The following WDR74 variants were observed in gnomAD, a reference collection of about 807,000 sequenced individuals.
WDR74 encodes WD repeat-containing protein 74.
In WDR74, 31 loss-of-function variants were observed where a neutral mutation model predicts 45.6. The ratio of observed to expected loss-of-function variants is 0.68; its 90% CI spans 0.51 to 0.92. WDR74 has a LOEUF of 0.92. WDR74 is among the 40% of genes least tolerant of loss of function. The pLI is 0.00. For missense variants in WDR74, 455 were observed against 497.2 expected, an observed-to-expected ratio of 0.92 and a Z score of 0.81; for synonymous variants, 191 against 192.4, an observed-to-expected ratio of 0.99 and a Z score of 0.06.
chr11:62,836,099 C>G, intron 3 of WDR74, 63 bp from the exon 4 acceptor site: 2 of 1,453,134 alleles, frequency 1.4e-6, no homozygotes, highest in Non-Finnish European at 1.9e-6. Context: ...TAATCTTTCT[C>G]TCCTCCTTAC....
chr11:62,840,006 T>C (rs2085024018), upstream of WDR74: 1 of 155,212 alleles, frequency 6.4e-6, no homozygotes, highest in Non-Finnish European at 1.4e-5. Flanking sequence ...AAACCGACGA[T>C]TTTTTTTTTC....
At chr11:62,836,261 C>G in intron 3 of WDR74, 2 of 501,400 alleles carry the variant, frequency 4.0e-6, no homozygotes, top group Non-Finnish European at 7.2e-6. Context: ...CAGCTTCCAG[C>G]TTCCTAATCT....
In WDR74 at chr11:62,833,935, G is replaced by A. The variant is rs1289292537; in HGVS notation, c.778C>T (p.Arg260Cys). The A allele has an allele frequency of 5.6e-6, 9 of 1,613,084 alleles. No homozygotes were observed. The highest frequency in any genetic ancestry group is 2.7e-5 in the African/African-American group (2 of 74,892). Residue 260 changes from arginine (R) to cysteine (C), a missense_variant and splice_region_variant, in exon 9 of 11, where the codon CGT becomes TGT. Arg to Cys is a radical substitution (Grantham distance 180). Transcript: ENST00000278856. The part of the protein sequence containing the change: ...QLAEIDLRQG[R>C]LLGCLKGLAG... ...AGCCCCTTCAGACAGCCCAGTAGAC[G>A]CCCTAGAGAAGGGGGGAAGCATCCG... is the stretch of plus-strand genomic sequence containing the variant.
intron 10 of WDR74, among the ~76,000 whole-genome samples, chr11:62,833,371 T>C (rs2084905657): frequency 6.8e-6 from 1 of 148,118 alleles, no homozygotes; most frequent in African/African-American, 2.5e-5. Flanking sequence ...AAGGAGACCC[T>C]GGCTGAGAAA....
Position 62,839,579 on chromosome 11 carries a change from C to T in WDR74, c.-9G>A, listed in dbSNP as rs1250526263. 2 of 1,605,620 alleles carry T rather than the reference C, an allele frequency of 1.2e-6. No homozygotes were observed. The highest frequency in any genetic ancestry group is 1.7e-4 in the Middle Eastern group (1 of 5,994). Reference sequence around the variant, plus strand: ...GCAGCAGCAGCCGCCATGACAAAGCCTGGAGGCAGACAGTTCACACTTCCG... The same window carrying T: ...GCAGCAGCAGCCGCCATGACAAAGCTTGGAGGCAGACAGTTCACACTTCCG... On this transcript the variant is annotated 5_prime_UTR_variant, in exon 1 of 11. Transcript: ENST00000278856.
chr11:62,833,119 C>G lies in WDR74; in HGVS notation c.991G>C (p.Glu331Gln). 1 of 1,612,666 alleles carries G rather than the reference C, an allele frequency of 6.2e-7. No homozygotes were observed. The highest frequency in any genetic ancestry group is 8.5e-7 in the Non-Finnish European group (1 of 1,179,522). ...GGCACCTTGTTGGGTTCTTGAGGCT[C>G]TTGGGGCTCATCCTGGTGAGTGGGA... ...GRDNWEDEPQ[E>Q]PQEPNKVPLE... The change falls in exon 11 of 11, where the codon GAG becomes CAG. Residue 331 changes from glutamate (E) to glutamine (Q), a missense_variant. Coordinates refer to ENST00000278856, the MANE Select transcript of WDR74 (RefSeq NM_001369450.1).
Position 62,839,337 on chromosome 11 carries a change from G to A in WDR74, c.156C>T (p.Thr52=). Residue 52 remains threonine, a synonymous_variant, in exon 2 of 11, where the codon ACC becomes ACT. Transcript: ENST00000278856. ...GGCCACTCACCTGGGTCTCGCCGCCGGTGCCCCAACACAGGGCGCTCACTG... is the reference window on the plus strand; with the variant it reads ...GGCCACTCACCTGGGTCTCGCCGCCAGTGCCCCAACACAGGGCGCTCACTG... The part of the protein sequence containing the change: ...EEAVSALCWG[T]GGETQMLVGC... 1 of 1,611,006 alleles carries A rather than the reference G, an allele frequency of 6.2e-7. No individual in the cohort carries two copies. Among genetic ancestry groups the A allele is most frequent in the Non-Finnish European group, 8.5e-7 (1 of 1,179,616 alleles).
At chr11:62,837,687 C>A (rs574420322) in intron 3 of WDR74, among the ~76,000 whole-genome samples, 1 of 152,244 alleles carries the variant, frequency 6.6e-6, no homozygotes, top group Admixed American at 6.5e-5. Flanking sequence ...CCCTCAAGAA[C>A]CAGTTCAGAC....
upstream of WDR74, among the ~76,000 whole-genome samples, chr11:62,840,694 T>C (rs1257682575): frequency 1.3e-5 from 2 of 152,174 alleles, no homozygotes; most frequent in Non-Finnish European, 2.9e-5. Context: ...TTTTTTGAGA[T>C]GGAATCTTGC....
intron 3 of WDR74, among the ~76,000 whole-genome samples, chr11:62,838,617 G>T (rs1460849056): frequency 6.6e-6 from 1 of 151,900 alleles, no homozygotes; most frequent in Non-Finnish European, 1.5e-5. Context: ...AAATAGCCGC[G>T]CGTGGTGGCA....
At position 62,835,971 on chromosome 11, in the gene WDR74, G is replaced by A; in HGVS notation, c.359C>T (p.Ser120Phe). The part of the protein sequence containing the change: ...RVWHDKDKDT[S>F]SDPLLELRVG... ...GCAGGGGAGCCTCACTGGGTCAGAG[G>A]ATGTGTCCTTGTCCTTGTCATGCCA... Residue 120 changes from serine (S) to phenylalanine (F), a missense_variant, in exon 4 of 11, where the codon TCC becomes TTC. By Grantham distance (155) the Ser-to-Phe change is radical. Coordinates refer to ENST00000278856, the MANE Select transcript of WDR74 (RefSeq NM_001369450.1). The A allele has an allele frequency of 6.3e-7, 1 of 1,594,898 alleles. No homozygotes were observed.
upstream of WDR74, chr11:62,841,599 C>G (rs185674983): frequency 9.9e-5 from 15 of 152,272 alleles, no homozygotes; most frequent in African/African-American, 2.2e-4. Context: ...CATTAAACAA[C>G]GGTTGTTCTC....
chr11:62,841,484 A>C (rs995218475), upstream of WDR74: 7 of 152,188 alleles, frequency 4.6e-5, no homozygotes, highest in Non-Finnish European at 7.3e-5. Flanking sequence ...TCAACAAGAC[A>C]CTCAAACACG....
chr11:62,840,827 A>T (rs769042128), upstream of WDR74, among the ~76,000 whole-genome samples: 2 of 152,126 alleles, frequency 1.3e-5, no homozygotes, highest in Non-Finnish European at 2.9e-5. Flanking sequence ...CGCCCGCCCC[A>T]ACCTCCCGAA....
chr11:62,835,305 G>A, intron 6 of WDR74, 126 bp downstream of exon 6: 1 of 816,444 alleles, frequency 1.2e-6, no homozygotes, highest in Admixed American at 2.4e-5. Flanking sequence ...GGTTGGAACA[G>A]ACGGGGAAGC....
chr11:62,840,705 T>C (rs1334678751), upstream of WDR74, among the ~76,000 whole-genome samples: 1 of 152,186 alleles, frequency 6.6e-6, no homozygotes, highest in East Asian at 1.9e-4. Flanking sequence ...GGAATCTTGC[T>C]CTGTCTCTCA....
intron 3 of WDR74, among the ~76,000 whole-genome samples, chr11:62,837,286 A>G (rs1426901516): frequency 6.6e-6 from 1 of 152,126 alleles, no homozygotes; most frequent in Non-Finnish European, 1.5e-5. Flanking sequence ...TGAGGTCAGG[A>G]GTTCCAGACT....
chr11:62,833,176 G>C, intron 10 of WDR74, 45 bp from the exon 11 acceptor site: 1 of 1,588,966 alleles, frequency 6.3e-7, no homozygotes, highest in Non-Finnish European at 8.6e-7. Context: ...GGCCGGGCAC[G>C]GTGGCTCCCA....
chr11:62,838,845 G>T (rs1249587513), intron 3 of WDR74, among the ~76,000 whole-genome samples: 5 of 152,102 alleles, frequency 3.3e-5, no homozygotes, highest in Non-Finnish European at 7.4e-5. Context: ...GATTATAATG[G>T]AGTCAGGTGA....
Sources: allele counts gnomAD v4.1 joint callset (sites outside exome capture counted in the v4.1 genomes callset), GRCh38; gene constraint gnomAD v4.1.1; transcripts MANE v1.5; gene names NCBI Gene and HGNC (gene_info 2026-07-23, HGNC 2026-07-21).